Variants in PSD2 observed in about 807,000 individuals in gnomAD.
The protein encoded by PSD2 is PH and SEC7 domain-containing protein 2.
In PSD2, 38 loss-of-function variants were observed where a neutral mutation model predicts 69.8. The observed-to-expected ratio is 0.54, with a 90% confidence interval of 0.42 to 0.71. The LOEUF is 0.71. PSD2 is among the 30% of genes least tolerant of loss of function. The pLI is 0.00. For missense variants in PSD2, 943 were observed against 1,014.5 expected, an observed-to-expected ratio of 0.93 and a Z score of 0.96; for synonymous variants, 412 against 423.0, an observed-to-expected ratio of 0.97 and a Z score of 0.32.
the PSD2 span, among the ~76,000 whole-genome samples, chr5:139,760,486 C>G: frequency 6.6e-6 from 1 of 152,290 alleles, no homozygotes; most frequent in South Asian, 2.1e-4. Flanking sequence ...GTCTCCACTT[C>G]CCCTCCCAAA....
upstream of PSD2, among the ~76,000 whole-genome samples, chr5:139,792,724 T>G (rs1448688190): frequency 6.6e-6 from 1 of 151,950 alleles, no homozygotes; most frequent in Non-Finnish European, 1.5e-5. Flanking sequence ...TTCTTTTCTT[T>G]TCTTTCTCTC....
At chr5:139,775,000 C>G in the PSD2 span, among the ~76,000 whole-genome samples, 3 of 152,064 alleles carry the variant, frequency 2.0e-5, no homozygotes, top group African/African-American at 7.2e-5. Flanking sequence ...CTATCGAGAC[C>G]GTACTGTGCC....
chr5:139,783,761 T>C, the PSD2 span, among the ~76,000 whole-genome samples: 3 of 152,226 alleles, frequency 2.0e-5, no homozygotes, highest in East Asian at 5.8e-4. Flanking sequence ...AGGGAGATTT[T>C]CAGCTCTTGT....
chr5:139,837,211 C>T lies in PSD2; in HGVS notation c.1638C>T (p.Leu546=). Residue 546 remains leucine, a synonymous_variant, in exon 11 of 15, where the codon CTC becomes CTT. Transcript: ENST00000274710. The surrounding 1 kb of genome is among the most constrained non-coding windows in gnomAD (Gnocchi z 5.0). ...GCTGGAAGAAATTCTACGCAGTGCT[C>T]AAAGGGACCATCCTGTACCTGCAGA... ...RRGWKKFYAV[L]KGTILYLQKD... 4 of 1,613,996 alleles carry T rather than the reference C, an allele frequency of 2.5e-6. No homozygotes were observed. The highest frequency in any genetic ancestry group is 3.4e-6 in the Non-Finnish European group (4 of 1,179,900).
At position 139,814,092 on chromosome 5, in the gene PSD2, G is replaced by T; in HGVS notation, c.822-78G>T. On this transcript the variant is annotated intron_variant, in intron 3 of 14. Coordinates refer to ENST00000274710, the MANE Select transcript of PSD2 (RefSeq NM_032289.4). The surrounding 1 kb of genome is among the most constrained non-coding windows in gnomAD (Gnocchi z 4.4). ...CCCCTACATGGTTTGCAGTGGCCTG[G>T]GGAAACCTCCCAGCCTCCTCTGGGG... 6.9e-7 allele frequency: 1 copy of T among 1,442,938 alleles called. No homozygotes were observed. Among genetic ancestry groups the T allele is most frequent in the Non-Finnish European group, 9.6e-7 (1 of 1,046,352 alleles). The allele number at this position is 1,442,938 out of a possible 1,614,324, so 89.4% of individuals were successfully genotyped here. A position where few individuals can be genotyped will look rare whatever the true frequency, so the allele number is the denominator to read the frequency against.
chr5:139,836,515 G>A (rs1760722551), intron 9 of PSD2, among the ~76,000 whole-genome samples: 1 of 152,216 alleles, frequency 6.6e-6, no homozygotes, highest in African/African-American at 2.4e-5. Flanking sequence ...GGAAGACTAG[G>A]AAGGAGACCT....
At chr5:139,802,001 C>G (rs976261484) in intron 1 of PSD2, among the ~76,000 whole-genome samples, 5 of 152,170 alleles carry the variant, frequency 3.3e-5, no homozygotes, top group Non-Finnish European at 7.3e-5. Context: ...CCAGCACAGC[C>G]CCTTTCACAC....
At chr5:139,824,138 C>G (rs1363694219) in intron 7 of PSD2, among the ~76,000 whole-genome samples, 1 of 152,224 alleles carries the variant, frequency 6.6e-6, no homozygotes, top group Non-Finnish European at 1.5e-5. Context: ...GAAAGGAGCA[C>G]TCAACAGGCC....
chr5:139,781,042 T>C, the PSD2 span, among the ~76,000 whole-genome samples: 1 of 152,190 alleles, frequency 6.6e-6, no homozygotes, highest in East Asian at 1.9e-4. Context: ...GTTGCCTCTT[T>C]TCAGCTTCTG....
At chr5:139,787,361 G>A in the PSD2 span, among the ~76,000 whole-genome samples, 68 of 152,342 alleles carry the variant, frequency 4.5e-4, no homozygotes, top group African/African-American at 1.5e-3. Context: ...ACGAAGGGGG[G>A]CCTGGGCTCT....
At chr5:139,765,575 C>T in the PSD2 span, among the ~76,000 whole-genome samples, 14 of 152,236 alleles carry the variant, frequency 9.2e-5, no homozygotes, top group Non-Finnish European at 1.6e-4. Context: ...GCCCCCTTGC[C>T]CACCTCCCAC....
At chr5:139,830,664 T>TTCTTTCTTTCTC (rs1760573732) in intron 7 of PSD2, among the ~76,000 whole-genome samples, 2 of 142,204 alleles carry the variant, frequency 1.4e-5, no homozygotes. Flanking sequence ...TTCTCTTTCT[T>TTCTTTCTTTCTC]TCTTTATTTC....
chr5:139,792,839 TTTC>T (rs143459143), upstream of PSD2, among the ~76,000 whole-genome samples: 1,009 of 147,360 alleles, frequency 6.8e-3, 13 homozygotes, highest in African/African-American at 0.024. Context: ...CCTTCCTTTC[TTTC>T]TTTTTTTCTT....
chr5:139,747,456 C>G, the PSD2 span, among the ~76,000 whole-genome samples: 1 of 152,134 alleles, frequency 6.6e-6, no homozygotes, highest in Non-Finnish European at 1.5e-5. The surrounding 1 kb of genome is among the most constrained non-coding windows in gnomAD (Gnocchi z 6.7). Flanking sequence ...GGTGACCGGG[C>G]GGGGGCTGGG....
At chr5:139,742,994 G>C in the PSD2 span, among the ~76,000 whole-genome samples, 4,325 of 152,340 alleles carry the variant, frequency 0.028, 79 homozygotes, top group Middle Eastern at 0.054. Context: ...TCATGAAGAG[G>C]ACTTGGAGTC....
chr5:139,756,122 T>C, the PSD2 span, among the ~76,000 whole-genome samples: 1 of 152,078 alleles, frequency 6.6e-6, no homozygotes, highest in Non-Finnish European at 1.5e-5. Flanking sequence ...CGGCGGCGGC[T>C]TTGTGTGCAC....
intron 1 of PSD2, among the ~76,000 whole-genome samples, chr5:139,808,939 G>A (rs73269458): frequency 0.019 from 2,958 of 152,262 alleles, 90 homozygotes; most frequent in African/African-American, 0.068. Flanking sequence ...GGTAAGTTTC[G>A]CTCATCTTTG....
At chr5:139,778,231 C>A in the PSD2 span, among the ~76,000 whole-genome samples, 39 of 152,190 alleles carry the variant, frequency 2.6e-4, no homozygotes, top group Non-Finnish European at 3.2e-4. Context: ...ATGTACAAGG[C>A]AGGTGGGAAG....
At chr5:139,840,501 C>T (rs1157219452) in intron 14 of PSD2, among the ~76,000 whole-genome samples, 4 of 152,038 alleles carry the variant, frequency 2.6e-5, no homozygotes, top group East Asian at 1.9e-4. Context: ...CATTGCAAAA[C>T]GTTTTAATCT....
Sources: gnomAD v4.1 joint callset for allele counts (sites outside exome capture counted in the v4.1 genomes callset) on GRCh38, gnomAD v4.1.1 for gene constraint, Gnocchi (gnomAD v3.1) non-coding constraint, MANE v1.5 for transcripts, NCBI Gene and HGNC (gene_info 2026-07-23, HGNC 2026-07-21) for gene names.